Variants in ASTN2 observed in about 807,000 individuals in gnomAD.
ASTN2 encodes the protein astrotactin-2.
A neutral mutation model predicts 139.8 loss-of-function variants in ASTN2; 54 were observed. The ratio of observed to expected loss-of-function variants is 0.39; its 90% CI spans 0.31 to 0.48. ASTN2 has a LOEUF of 0.48. ASTN2 is among the 20% of genes least tolerant of loss of function. The pLI, the probability that ASTN2 is intolerant of heterozygous loss-of-function variation, is 0.95. For missense variants in ASTN2, 1,565 were observed against 1,725.1 expected (o/e 0.91, Z 1.64); for synonymous variants, 756 against 719.5 (o/e 1.05, Z -0.81).
At chr9:116,834,769 TG>T (rs1473629739) in intron 11 of ASTN2, among the ~76,000 whole-genome samples, 1 of 152,248 alleles carries the variant, frequency 6.6e-6, no homozygotes, top group Non-Finnish European at 1.5e-5. Flanking sequence ...TATTTGCGAC[TG>T]GGCACAGTGG....
chr9:117,195,495 C>G (rs1481212975), intron 3 of ASTN2, among the ~76,000 whole-genome samples: 18 of 151,822 alleles, frequency 1.2e-4, no homozygotes, highest in Admixed American at 1.2e-3. Flanking sequence ...AGCAGGAAGA[C>G]CAATAAGTAG....
intron 2 of ASTN2, among the ~76,000 whole-genome samples, chr9:117,244,695 GAGA>G (rs1564501179): frequency 7.3e-6 from 1 of 136,390 alleles, no homozygotes; most frequent in Non-Finnish European, 1.6e-5. Flanking sequence ...GAAGGAAGGA[GAGA>G]AGGAGAAAGG....
At chr9:116,845,178 G>A (rs1832390537) in intron 11 of ASTN2, among the ~76,000 whole-genome samples, 1 of 152,084 alleles carries the variant, frequency 6.6e-6, no homozygotes, top group Non-Finnish European at 1.5e-5. Flanking sequence ...GTGGTGGTGC[G>A]ATCTCGGCTC....
intron 19 of ASTN2, among the ~76,000 whole-genome samples, chr9:116,598,214 T>A (rs944083111): frequency 6.6e-6 from 1 of 152,124 alleles, no homozygotes; most frequent in Non-Finnish European, 1.5e-5. Flanking sequence ...TAGGACAGAA[T>A]GACTCAGGAA....
chr9:116,573,013 G>GCGCACACA (rs1853584185), intron 19 of ASTN2, among the ~76,000 whole-genome samples: 1 of 136,890 alleles, frequency 7.3e-6, no homozygotes, highest in African/African-American at 2.9e-5. Flanking sequence ...GTGGGTACAT[G>GCGCACACA]CACACACACA....
At chr9:117,185,540 C>G (rs1179347965) in intron 3 of ASTN2, among the ~76,000 whole-genome samples, 3 of 152,164 alleles carry the variant, frequency 2.0e-5, no homozygotes, top group Non-Finnish European at 4.4e-5. Flanking sequence ...GAACAGAGCT[C>G]TATATCTGCA....
At chr9:116,808,172 A>T (rs888332095) in intron 12 of ASTN2, among the ~76,000 whole-genome samples, 7 of 152,152 alleles carry the variant, frequency 4.6e-5, no homozygotes, top group South Asian at 2.1e-4. Flanking sequence ...ATAGAGTAAA[A>T]TATGGAACTT....
intron 2 of ASTN2, among the ~76,000 whole-genome samples, chr9:117,270,259 G>A (rs143376525): frequency 7.8e-4 from 119 of 152,240 alleles, no homozygotes; most frequent in Middle Eastern, 3.4e-3. Context: ...TTTGCTATAG[G>A]TGTAATGTGG....
chr9:116,849,450 A>T (rs1302632726), intron 11 of ASTN2, among the ~76,000 whole-genome samples: 2 of 152,216 alleles, frequency 1.3e-5, no homozygotes, highest in Admixed American at 1.3e-4. Context: ...TTTAATGATA[A>T]CAAGAATTTT....
intron 13 of ASTN2, among the ~76,000 whole-genome samples, chr9:116,740,810 G>T (rs536879993): frequency 5.9e-5 from 9 of 151,396 alleles, no homozygotes; most frequent in Non-Finnish European, 8.8e-5. Context: ...CACCGCGCCC[G>T]GCGGTAAAGT....
chr9:116,899,605 C>T (rs1344594694), intron 10 of ASTN2, among the ~76,000 whole-genome samples: 1 of 152,152 alleles, frequency 6.6e-6, no homozygotes, highest in Non-Finnish European at 1.5e-5. Context: ...TTGTTTATTC[C>T]TGGTGGAGGC....
chr9:117,334,117 A>G (rs1828799556), intron 1 of ASTN2, among the ~76,000 whole-genome samples: 1 of 152,228 alleles, frequency 6.6e-6, no homozygotes, highest in African/African-American at 2.4e-5. Context: ...GAAGGCAGCC[A>G]GAGACACATA....
chr9:116,543,850 C>T (rs1008752744), intron 19 of ASTN2: 4 of 152,164 alleles, frequency 2.6e-5, no homozygotes, highest in Non-Finnish European at 4.4e-5. Context: ...TTGTGAGGTT[C>T]CTGTTGGTAT....
At chr9:117,390,110 G>A (rs1830504693) in intron 1 of ASTN2, among the ~76,000 whole-genome samples, 1 of 152,120 alleles carries the variant, frequency 6.6e-6, no homozygotes, top group Admixed American at 6.6e-5. Flanking sequence ...GCAATGCTTG[G>A]GAACAACCCT....
At chr9:117,354,054 G>T (rs573623349) in intron 1 of ASTN2, among the ~76,000 whole-genome samples, 1 of 152,250 alleles carries the variant, frequency 6.6e-6, no homozygotes, top group East Asian at 1.9e-4. Context: ...TGACAATGAT[G>T]TGTCTATGCA....
chr9:117,029,280 A>G (rs537370948), intron 6 of ASTN2, among the ~76,000 whole-genome samples: 2 of 152,292 alleles, frequency 1.3e-5, no homozygotes, highest in East Asian at 1.9e-4. Flanking sequence ...ATTTCTAATC[A>G]TTACCAGTGT....
intron 10 of ASTN2, among the ~76,000 whole-genome samples, chr9:116,900,661 C>G (rs1185851368): frequency 6.6e-6 from 1 of 152,104 alleles, no homozygotes; most frequent in Non-Finnish European, 1.5e-5. Context: ...AGGCAGGAAG[C>G]CTACCATTGG....
chr9:117,094,299 G>A (rs1307945432), intron 5 of ASTN2, among the ~76,000 whole-genome samples: 1 of 151,620 alleles, frequency 6.6e-6, no homozygotes, highest in Admixed American at 6.6e-5. Flanking sequence ...AAAGAAAGGA[G>A]TTGCTGGGTT....
chr9:116,687,362 T>A, intron 16 of ASTN2: 1 of 564,836 alleles, frequency 1.8e-6, no homozygotes, highest in Non-Finnish European at 2.2e-6. Flanking sequence ...GGTGGACTCG[T>A]CGGAGCCGCG....
Sources: gnomAD v4.1 joint callset for allele counts (sites outside exome capture counted in the v4.1 genomes callset) on GRCh38, gnomAD v4.1.1 for gene constraint, MANE v1.5 for transcripts, NCBI Gene and HGNC (gene_info 2026-07-23, HGNC 2026-07-21) for gene names.